Variants in CCDC77 observed in about 807,000 individuals in gnomAD.
CCDC77 encodes the protein coiled-coil domain-containing protein 77.
A neutral mutation model predicts 66.8 loss-of-function variants in CCDC77; 56 were observed. That is an observed-to-expected ratio of 0.84 (90% confidence interval 0.68 to 1.05). CCDC77 has a LOEUF of 1.05. CCDC77 is among the 50% of genes least tolerant of loss of function. CCDC77 has a pLI of 0.00. For synonymous variants in CCDC77, 196 were observed against 195.2 expected, an observed-to-expected ratio of 1.00 and a Z score of -0.03; for missense variants, 570 against 576.8, an observed-to-expected ratio of 0.99 and a Z score of 0.12.
At chr12:412,894 A>G (rs1224443775) in intron 4 of CCDC77, among the ~76,000 whole-genome samples, 1 of 150,798 alleles carries the variant, frequency 6.6e-6, no homozygotes, top group Non-Finnish European at 1.5e-5. Context: ...CCGTTACTCC[A>G]TCCGTATCTA....
At chr12:433,061 T>G in intron 8 of CCDC77, 113 bp from the exon 9 acceptor site, 1 of 1,078,490 alleles carries the variant, frequency 9.3e-7, no homozygotes, top group Non-Finnish European at 1.4e-6. Flanking sequence ...AGGATTGAGA[T>G]GTTTTTGTTT....
chr12:407,825 TTGCCCAGGCTGGAG>T (rs2137541448), intron 2 of CCDC77, among the ~76,000 whole-genome samples: 2 of 147,300 alleles, frequency 1.4e-5, no homozygotes, highest in South Asian at 4.4e-4. Context: ...TCTCGCTCTG[TTGCCCAGGCTGGAG>T]TGCAATGGCG....
At chr12:419,471 G>A (rs1412412438) in intron 5 of CCDC77, among the ~76,000 whole-genome samples, 3 of 138,788 alleles carry the variant, frequency 2.2e-5, no homozygotes, top group Non-Finnish European at 4.5e-5. Flanking sequence ...AATACACATA[G>A]CAGCACACTC....
At chr12:414,929 C>G (rs769771278) in intron 4 of CCDC77, among the ~76,000 whole-genome samples, 2 of 152,170 alleles carry the variant, frequency 1.3e-5, no homozygotes, top group Non-Finnish European at 2.9e-5. Context: ...ACACTTTTCA[C>G]TCTAGCAGTA....
At chr12:432,191 C>T (rs1945664904) in intron 8 of CCDC77, among the ~76,000 whole-genome samples, 1 of 152,192 alleles carries the variant, frequency 6.6e-6, no homozygotes, top group African/African-American at 2.4e-5. Flanking sequence ...ATATACTAAG[C>T]CCCATCCACC....
In CCDC77 at chr12:442,042, T is replaced by A; in HGVS notation, c.*122T>A. 1 of 1,021,326 alleles carries A rather than the reference T, an allele frequency of 9.8e-7. No homozygotes were observed. The highest frequency in any genetic ancestry group is 2.4e-5 in the East Asian group (1 of 41,662). The allele number at this position is 1,021,326 out of a possible 1,614,324, so 63.3% of individuals were successfully genotyped here. A position where few individuals can be genotyped will look rare whatever the true frequency, so the allele number is the denominator to read the frequency against. On this transcript the variant is annotated 3_prime_UTR_variant, in exon 13 of 13. Transcript: ENST00000239830. Reference sequence around the variant, plus strand: ...ACTAGAGTGGTGGTATTCATTATTGTAAAGACAGCTTGAAGAATCGGGGAC... The same window carrying A: ...ACTAGAGTGGTGGTATTCATTATTGAAAAGACAGCTTGAAGAATCGGGGAC...
At chr12:423,495 T>TG (rs1945469982) in intron 5 of CCDC77, among the ~76,000 whole-genome samples, 1 of 31,410 alleles carries the variant, frequency 3.2e-5, no homozygotes, top group Non-Finnish European at 7.0e-5. Flanking sequence ...TTTTGTTTTG[T>TG]TTTTTTTTTT....
chr12:412,985 C>G (rs900661379), intron 4 of CCDC77, among the ~76,000 whole-genome samples: 4 of 152,006 alleles, frequency 2.6e-5, no homozygotes, highest in Non-Finnish European at 4.4e-5. Flanking sequence ...GTCGCCCAGG[C>G]TGGAGTGCAG....
chr12:408,002 T>C (rs1484215358), intron 2 of CCDC77, among the ~76,000 whole-genome samples: 1 of 152,076 alleles, frequency 6.6e-6, no homozygotes, highest in Non-Finnish European at 1.5e-5. Context: ...TTAGCCAGGA[T>C]GGTCTCAATC....
chr12:410,215 C>T (rs1046992949), intron 3 of CCDC77, among the ~76,000 whole-genome samples: 1 of 151,716 alleles, frequency 6.6e-6, no homozygotes, highest in Non-Finnish European at 1.5e-5. Flanking sequence ...TTGCAGACAA[C>T]CAAATTGGAT....
chr12:399,965 A>C (rs1014249335), upstream of CCDC77, among the ~76,000 whole-genome samples: 1 of 152,208 alleles, frequency 6.6e-6, no homozygotes, highest in Non-Finnish European at 1.5e-5. Flanking sequence ...CTTCCAATAA[A>C]AGGCTGGTTC....
At chr12:405,774 A>G (rs547275508) in intron 2 of CCDC77, among the ~76,000 whole-genome samples, 1 of 152,306 alleles carries the variant, frequency 6.6e-6, no homozygotes. Flanking sequence ...ATACATATAC[A>G]CTTAGTATGA....
chr12:416,371 GTGTGTGTATA>G (rs1381939035), intron 4 of CCDC77, among the ~76,000 whole-genome samples: 2 of 27,654 alleles, frequency 7.2e-5, no homozygotes, highest in East Asian at 7.6e-4. Flanking sequence ...GTGTGTGTGT[GTGTGTGTATA>G]TATATATATA....
At chr12:411,695 C>A in intron 3 of CCDC77, 52 bp from the exon 4 acceptor site, 1 of 1,422,716 alleles carries the variant, frequency 7.0e-7, no homozygotes, top group South Asian at 1.2e-5. Flanking sequence ...GAAGTTATAA[C>A]TCATAAACTT....
rs78283350 is a variant in CCDC77 at position 409,530 on chromosome 12, T to G, written c.38+109T>G. The G allele has an allele frequency of 4.0e-3, 4,248 of 1,066,202 alleles. 188 individuals carry two copies. In the East Asian group the frequency reaches 0.081, roughly 20 times the overall value. 66.0% of individuals were successfully genotyped at this position (1,066,202 alleles called of 1,614,324 possible). ...GGAAACATATTTCCTAAAGTTTTTT[T>G]TCTTTGAGACAGAGTTTCACTCTGT... On this transcript the variant is annotated intron_variant, in intron 3 of 12. Coordinates refer to ENST00000239830, the MANE Select transcript of CCDC77 (RefSeq NM_032358.4).
intron 2 of CCDC77, 143 bp from the exon 3 acceptor site, chr12:409,225 G>GAAA: frequency 2.5e-6 from 1 of 405,534 alleles, no homozygotes; most frequent in Non-Finnish European, 4.3e-6. Flanking sequence ...AAAAAAAAAA[G>GAAA]AAAAAAAAAA....
intron 1 of CCDC77, among the ~76,000 whole-genome samples, chr12:403,579 TG>T (rs533198103): frequency 6.6e-6 from 1 of 152,328 alleles, no homozygotes; most frequent in African/African-American, 2.4e-5. Flanking sequence ...GTGCAGCCTC[TG>T]CCTCCCAAGC....
intron 10 of CCDC77, among the ~76,000 whole-genome samples, chr12:438,930 T>G (rs1033645233): frequency 6.7e-6 from 1 of 148,274 alleles, no homozygotes; most frequent in Admixed American, 6.7e-5. Context: ...AAAAAAAAAT[T>G]AGCTGAGCAT....
Position 430,749 on chromosome 12 carries a change from TAAC to T in CCDC77, c.583+14_583+16del. On this transcript the variant is annotated intron_variant, in intron 7 of 12. Transcript: ENST00000239830. ...GCTTTCAAAGCAGGTAACAACCATA[TAAC>T]CTATTAGAAATTCTCATCAATGCAG... The T allele has an allele frequency of 1.9e-6, 3 of 1,596,538 alleles. No individual in the cohort carries two copies. The highest frequency in any genetic ancestry group is 2.6e-6 in the Non-Finnish European group (3 of 1,164,018).
Sources: gnomAD v4.1 joint callset for allele counts (sites outside exome capture counted in the v4.1 genomes callset) on GRCh38, gnomAD v4.1.1 for gene constraint, MANE v1.5 for transcripts, NCBI Gene and HGNC (gene_info 2026-07-23, HGNC 2026-07-21) for gene names.